Variants in FAM135B observed in about 807,000 individuals in gnomAD.
FAM135B encodes the protein protein FAM135B.
Under a neutral mutation model 127.7 loss-of-function variants are expected in FAM135B, and 43 were observed. The ratio of observed to expected loss-of-function variants is 0.34; its 90% CI spans 0.26 to 0.43. The LOEUF is 0.43. Among genes scored for constraint, FAM135B ranks in the 20% least tolerant of loss-of-function variants. The pLI is 1.00. For missense variants in FAM135B, 1,558 were observed against 1,725.6 expected (o/e 0.90, Z 1.72); for synonymous variants, 670 against 665.1 (o/e 1.01, Z -0.11).
chr8:138,476,663 T>A (rs1814470089), intron 1 of FAM135B, among the ~76,000 whole-genome samples: 1 of 152,158 alleles, frequency 6.6e-6, no homozygotes, highest in Admixed American at 6.6e-5. Context: ...ATAATCAGTA[T>A]AACCCACTTT....
chr8:138,233,338 A>G (rs1820039453), intron 7 of FAM135B, among the ~76,000 whole-genome samples: 2 of 152,232 alleles, frequency 1.3e-5, no homozygotes, highest in Admixed American at 1.3e-4. Flanking sequence ...TGGTTTTAAC[A>G]TAATAATAGA....
chr8:138,210,410 C>G (rs985601630), intron 7 of FAM135B, among the ~76,000 whole-genome samples: 1 of 152,064 alleles, frequency 6.6e-6, no homozygotes, highest in African/African-American at 2.4e-5. Flanking sequence ...ATTGCTATAA[C>G]AAACTCCCTG....
intron 2 of FAM135B, among the ~76,000 whole-genome samples, chr8:138,323,297 G>T (rs1827576745): frequency 6.6e-6 from 1 of 152,110 alleles, no homozygotes; most frequent in Non-Finnish European, 1.5e-5. Flanking sequence ...AGCAAAGCCA[G>T]GTTTTCTCAG....
intron 1 of FAM135B, among the ~76,000 whole-genome samples, chr8:138,399,332 C>G (rs1010930488): frequency 6.6e-6 from 1 of 152,172 alleles, no homozygotes; most frequent in African/African-American, 2.4e-5. Flanking sequence ...AAGGATGAGA[C>G]AGATTATTCC....
intron 3 of FAM135B, among the ~76,000 whole-genome samples, chr8:138,298,078 A>G (rs997528413): frequency 2.6e-5 from 4 of 152,140 alleles, no homozygotes; most frequent in Non-Finnish European, 5.9e-5. Flanking sequence ...CTACACCTAA[A>G]TTTCCCCTTC....
At chr8:138,426,020 CATACAT>C (rs1227887142) in intron 1 of FAM135B, among the ~76,000 whole-genome samples, 61 of 14,724 alleles carry the variant, frequency 4.1e-3, no homozygotes, top group Non-Finnish European at 7.6e-3. Context: ...TATACACACA[CATACAT>C]ATACACACAC....
At chr8:138,340,188 T>C (rs1052353137) in intron 2 of FAM135B, among the ~76,000 whole-genome samples, 8 of 152,260 alleles carry the variant, frequency 5.3e-5, no homozygotes, top group African/African-American at 1.9e-4. Flanking sequence ...GCACCCTGGA[T>C]TTCTGAAAGC....
intron 7 of FAM135B, among the ~76,000 whole-genome samples, chr8:138,202,521 G>A (rs1817222458): frequency 6.6e-6 from 1 of 152,094 alleles, no homozygotes; most frequent in South Asian, 2.1e-4. Context: ...AAAAGTAGTG[G>A]GATTCCAGGC....
At chr8:138,390,148 T>G (rs1832461381) in intron 1 of FAM135B, among the ~76,000 whole-genome samples, 1 of 152,164 alleles carries the variant, frequency 6.6e-6, no homozygotes, top group Non-Finnish European at 1.5e-5. Context: ...ACTCTAATAT[T>G]TCTCTTTGTC....
intron 2 of FAM135B, among the ~76,000 whole-genome samples, chr8:138,345,689 A>C (rs6577918): frequency 2.0e-5 from 3 of 152,212 alleles, no homozygotes; most frequent in Non-Finnish European, 2.9e-5. Flanking sequence ...GGCGACGACA[A>C]TGGACATCCC....
chr8:138,186,743 C>T (rs1394141372), intron 9 of FAM135B, among the ~76,000 whole-genome samples: 1 of 152,176 alleles, frequency 6.6e-6, no homozygotes, highest in Non-Finnish European at 1.5e-5. Flanking sequence ...CAGCTTGGGG[C>T]ACCGCCCTAG....
At chr8:138,376,538 A>G (rs1831484546) in intron 1 of FAM135B, among the ~76,000 whole-genome samples, 1 of 152,178 alleles carries the variant, frequency 6.6e-6, no homozygotes, top group South Asian at 2.1e-4. Flanking sequence ...GGCCCTTACC[A>G]TGATTCAAGA....
chr8:138,353,215 C>T (rs557523311), intron 2 of FAM135B, among the ~76,000 whole-genome samples: 1 of 152,216 alleles, frequency 6.6e-6, no homozygotes, highest in Non-Finnish European at 1.5e-5. Flanking sequence ...GTAGTAAAAC[C>T]GGGTTTATAT....
chr8:138,294,888 T>G (rs1012250501), intron 3 of FAM135B, among the ~76,000 whole-genome samples: 3 of 152,184 alleles, frequency 2.0e-5, no homozygotes, highest in African/African-American at 7.2e-5. Flanking sequence ...CATCTGCAAG[T>G]TTCCCATTTA....
intron 1 of FAM135B, among the ~76,000 whole-genome samples, chr8:138,454,074 A>G (rs142096049): frequency 0.014 from 2,091 of 152,268 alleles, 47 homozygotes; most frequent in African/African-American, 0.047. Context: ...GAGTTAGTCC[A>G]GACGGGATGC....
intron 1 of FAM135B, among the ~76,000 whole-genome samples, chr8:138,423,309 G>A (rs1444093353): frequency 1.3e-5 from 2 of 152,156 alleles, no homozygotes; most frequent in Non-Finnish European, 2.9e-5. Context: ...TCTACTTAGG[G>A]AGATATCGGG....
At chr8:138,135,373 CTTTA>C in intron 19 of FAM135B, among the ~76,000 whole-genome samples, 1 of 152,228 alleles carries the variant, frequency 6.6e-6, no homozygotes, top group African/African-American at 2.4e-5. Flanking sequence ...ATCATTGACT[CTTTA>C]TTTATTGTCA....
At position 138,141,565 on chromosome 8, in the gene FAM135B, G is replaced by A. The variant is rs1273558221; in HGVS notation, c.3639-216C>T. Among the ~76,000 whole-genome samples the A allele has an allele frequency of 6.6e-6, 1 of 152,190 alleles. No individual in the cohort carries two copies. The highest frequency in any genetic ancestry group is 1.5e-5 in the Non-Finnish European group (1 of 68,038). ...GGGTCTTTGTGAATGGGAGCTTTGT[G>A]CCCAGTCAGGGGAGAAGTGTGGGCA... On this transcript the variant is annotated intron_variant, in intron 16 of 19. Transcript: ENST00000395297. This position sits in a 1 kb window ranked among gnomAD's most constrained non-coding sequence, Gnocchi z 4.7.
chr8:138,301,164 C>T (rs914785316), intron 3 of FAM135B, among the ~76,000 whole-genome samples: 1 of 152,138 alleles, frequency 6.6e-6, no homozygotes, highest in Non-Finnish European at 1.5e-5. Context: ...CATTGAGGAA[C>T]TCTGCACTAT....
Sources: gnomAD v4.1 joint callset for allele counts (sites outside exome capture counted in the v4.1 genomes callset) on GRCh38, gnomAD v4.1.1 for gene constraint, Gnocchi (gnomAD v3.1) non-coding constraint, MANE v1.5 for transcripts, NCBI Gene and HGNC (gene_info 2026-07-23, HGNC 2026-07-21) for gene names.